The following TRPS1 variants were observed in gnomAD, a reference collection of about 807,000 sequenced individuals.
TRPS1 encodes zinc finger transcription factor Trps1.
In TRPS1, 6 loss-of-function variants were observed where a neutral mutation model predicts 101.2. The observed-to-expected ratio is 0.06, with a 90% CI of 0.03 to 0.12. TRPS1 has a LOEUF of 0.12. Among genes scored for constraint, TRPS1 ranks in the 10% least tolerant of loss-of-function variants. TRPS1 has a pLI of 1.00. For synonymous variants in TRPS1, 578 were observed against 589.8 expected (o/e 0.98, Z 0.29); for missense variants, 1,363 against 1,567.0 (o/e 0.87, Z 2.20).
intron 5 of TRPS1, among the ~76,000 whole-genome samples, chr8:115,539,275 A>C (rs1816395611): frequency 6.6e-6 from 1 of 152,204 alleles, no homozygotes; most frequent in Non-Finnish European, 1.5e-5. Context: ...GTTTCAAAGA[A>C]AGGTTAGCGG....
At chr8:115,536,805 T>C (rs888078412) in intron 5 of TRPS1, among the ~76,000 whole-genome samples, 1 of 151,760 alleles carries the variant, frequency 6.6e-6, no homozygotes, top group South Asian at 2.1e-4. Context: ...TTTGTTTTTT[T>C]TTTCCCTCTT....
intron 5 of TRPS1, among the ~76,000 whole-genome samples, chr8:115,481,587 C>A (rs1814752776): frequency 6.6e-6 from 1 of 152,116 alleles, no homozygotes; most frequent in African/African-American, 2.4e-5. Flanking sequence ...TATGAGAATT[C>A]TATTCATTCT....
intron 4 of TRPS1, among the ~76,000 whole-genome samples, chr8:115,593,735 A>G (rs1817728911): frequency 1.3e-5 from 2 of 152,182 alleles, no homozygotes; most frequent in Non-Finnish European, 2.9e-5. Flanking sequence ...AACTTCAAAG[A>G]CATTCAGGAA....
At chr8:115,516,190 G>T (rs911023133) in intron 5 of TRPS1, among the ~76,000 whole-genome samples, 2 of 151,234 alleles carry the variant, frequency 1.3e-5, no homozygotes, top group Non-Finnish European at 3.0e-5. Context: ...ATCACCGTAG[G>T]TTTTAAAAGA....
chr8:115,598,488 G>GT (rs1300156168), intron 4 of TRPS1, among the ~76,000 whole-genome samples: 10 of 151,668 alleles, frequency 6.6e-5, no homozygotes, highest in Admixed American at 2.0e-4. Flanking sequence ...TTTATTTTTT[G>GT]TTTTTTTTAG....
chr8:115,515,503 C>G (rs1815687605), intron 5 of TRPS1, among the ~76,000 whole-genome samples: 1 of 151,242 alleles, frequency 6.6e-6, no homozygotes, highest in African/African-American at 2.4e-5. Flanking sequence ...AGGTAACTGA[C>G]CTAAATCAGG....
intron 5 of TRPS1, among the ~76,000 whole-genome samples, chr8:115,481,759 T>C (rs1424634849): frequency 1.3e-5 from 2 of 152,164 alleles, no homozygotes; most frequent in Non-Finnish European, 2.9e-5. Context: ...AGTCATCTGT[T>C]TTTCCCCCCT....
At chr8:115,491,609 C>A (rs563213494) in intron 5 of TRPS1, among the ~76,000 whole-genome samples, 31 of 147,276 alleles carry the variant, frequency 2.1e-4, no homozygotes, top group Non-Finnish European at 4.0e-4. Context: ...GAGCCATGAG[C>A]GAGACCTGGT....
chr8:115,531,489 A>G (rs1007462248), intron 5 of TRPS1, among the ~76,000 whole-genome samples: 2 of 152,156 alleles, frequency 1.3e-5, no homozygotes, highest in African/African-American at 4.8e-5. Context: ...AAATGTAAAG[A>G]AAATAGGGGA....
chr8:115,502,884 A>T (rs980662418), intron 5 of TRPS1, among the ~76,000 whole-genome samples: 1 of 152,234 alleles, frequency 6.6e-6, no homozygotes, highest in African/African-American at 2.4e-5. Flanking sequence ...ACAAAGACCC[A>T]GAAAGAGTCA....
At chr8:115,591,475 G>T (rs892331729) in intron 4 of TRPS1, among the ~76,000 whole-genome samples, 4 of 152,096 alleles carry the variant, frequency 2.6e-5, no homozygotes, top group Non-Finnish European at 4.4e-5. Context: ...CCCAAAACAT[G>T]AGTTCATCAC....
intron 5 of TRPS1, among the ~76,000 whole-genome samples, chr8:115,427,974 C>A (rs557265728): frequency 1.3e-5 from 2 of 152,188 alleles, no homozygotes; most frequent in Non-Finnish European, 2.9e-5. Flanking sequence ...CTTAGCCTCT[C>A]ATAGCGCCTG....
rs1044002684 is a variant in TRPS1 at position 115,604,497 on chromosome 8, C to G, written c.1472G>C (p.Gly491Ala). 6.2e-7 allele frequency: 1 copy of G among 1,614,068 alleles called. No individual in the cohort carries two copies. The highest frequency in any genetic ancestry group is 8.5e-7 in the Non-Finnish European group (1 of 1,179,978). The change falls in exon 4 of 7, where the codon GGC becomes GCC. Residue 491 changes from glycine (G) to alanine (A), a missense_variant. Gly to Ala is a moderately conservative substitution (Grantham distance 60). Transcript: ENST00000395715. This position sits in a 1 kb window ranked among gnomAD's most constrained non-coding sequence, Gnocchi z 4.1. Reference protein sequence around the residue: ...NPELNDKLSRGSVINQNDLAK... With the variant: ...NPELNDKLSRASVINQNDLAK... ...TAGATCATTCTGATTAATGACAGAG[C>G]CCCTGGAAAGCTTATCATTTAACTC...
chr8:115,450,855 A>T (rs969796157), intron 5 of TRPS1, among the ~76,000 whole-genome samples: 1 of 152,226 alleles, frequency 6.6e-6, no homozygotes, highest in Non-Finnish European at 1.5e-5. Flanking sequence ...TCCATAATGC[A>T]TCCTTTTGGG....
At position 115,408,772 on chromosome 8, in the gene TRPS1, G is replaced by A. The variant is rs1407015485; in HGVS notation, c.*5251C>T. The A allele has an allele frequency of 1.3e-5, 2 of 152,048 alleles. No individual in the cohort carries two copies. The highest frequency in any genetic ancestry group is 2.9e-5 in the Non-Finnish European group (2 of 67,880). The allele number at this position is 152,048 out of a possible 1,614,324, so 9.4% of individuals were successfully genotyped here. A position where few individuals can be genotyped will look rare whatever the true frequency, so the allele number is the denominator to read the frequency against. On this transcript the variant is annotated 3_prime_UTR_variant, in exon 7 of 7. Coordinates refer to ENST00000395715, the MANE Select transcript of TRPS1 (RefSeq NM_014112.5). Reference sequence around the variant, plus strand: ...TCCATATGAAAGACATTTTCTGCTGGTGAATATTGCTGTAAGTTAAATTTT... The same window carrying A: ...TCCATATGAAAGACATTTTCTGCTGATGAATATTGCTGTAAGTTAAATTTT...
intron 3 of TRPS1, among the ~76,000 whole-genome samples, chr8:115,611,044 G>A (rs917150611): frequency 7.3e-5 from 11 of 151,722 alleles, no homozygotes; most frequent in Non-Finnish European, 1.0e-4. Flanking sequence ...TTGAGCCTGG[G>A]GGGCGGAGGT....
rs556742297 is a variant in TRPS1 at position 115,427,050 on chromosome 8, T to A, written c.2701-8598A>T. ...GCTTTGGGAGGTCAAGGTGGGAGGA[T>A]TGCTTGAGGCTAGGAGCTTGAGATC... On this transcript the variant is annotated intron_variant, in intron 5 of 6. Transcript: ENST00000395715. Among the ~76,000 whole-genome samples the A allele has an allele frequency of 5.9e-4, 90 of 152,144 alleles. 1 individual carries two copies. The highest frequency in any genetic ancestry group is 1.8e-3 in the African/African-American group (76 of 41,520).
chr8:115,568,541 T>C (rs1305781096), intron 5 of TRPS1, among the ~76,000 whole-genome samples: 5 of 152,130 alleles, frequency 3.3e-5, no homozygotes, highest in African/African-American at 9.7e-5. Context: ...TATTTCTAGT[T>C]AATTTATTTG....
In TRPS1 at chr8:115,614,863, AT is replaced by A. The variant is rs1192094001; in HGVS notation, c.966+4268del. On this transcript the variant is annotated intron_variant, in intron 3 of 6. Transcript: ENST00000395715. The stretch of plus-strand genomic sequence containing the variant: ...ACCACAGTAAGATTAATGGTCTCTG[AT>A]TTTTTTTTCAAACCAAACTGTAATC... Among the ~76,000 whole-genome samples the A allele has an allele frequency of 2.6e-5, 4 of 151,704 alleles. No homozygotes were observed. In the South Asian group the frequency reaches 8.3e-4, roughly 32 times the overall value.
Sources: gnomAD v4.1 joint callset for allele counts (sites outside exome capture counted in the v4.1 genomes callset) on GRCh38, gnomAD v4.1.1 for gene constraint, Gnocchi (gnomAD v3.1) non-coding constraint, MANE v1.5 for transcripts, NCBI Gene and HGNC (gene_info 2026-07-23, HGNC 2026-07-21) for gene names.